The following NEGR1 variants were observed in gnomAD, a reference collection of about 807,000 sequenced individuals.
NEGR1 encodes the protein neuronal growth regulator 1.
Under a neutral mutation model 40.9 loss-of-function variants are expected in NEGR1, and 10 were observed. That is an observed-to-expected ratio of 0.24 (90% confidence interval 0.15 to 0.42). The LOEUF (loss-of-function observed/expected upper bound fraction) is 0.42. NEGR1 is among the 10% of genes least tolerant of loss of function. NEGR1 has a pLI of 1.00. For missense variants in NEGR1, 352 were observed against 438.9 expected, an observed-to-expected ratio of 0.80 and a Z score of 1.77; for synonymous variants, 185 against 166.8, an observed-to-expected ratio of 1.11 and a Z score of -0.84.
chr1:71,592,314 G>T (rs1649529336), intron 6 of NEGR1, among the ~76,000 whole-genome samples: 1 of 151,832 alleles, frequency 6.6e-6, no homozygotes, highest in Admixed American at 6.6e-5. Flanking sequence ...ATACAATTTT[G>T]AGTAAAAATA....
chr1:71,454,556 G>GT (rs1017988387), intron 6 of NEGR1, among the ~76,000 whole-genome samples: 5 of 73,288 alleles, frequency 6.8e-5, no homozygotes, highest in East Asian at 2.3e-4. Flanking sequence ...TTTCCTTGTG[G>GT]TTTTAAAAAA....
chr1:72,233,452 C>G (rs1557590559), intron 1 of NEGR1, among the ~76,000 whole-genome samples: 1 of 152,050 alleles, frequency 6.6e-6, no homozygotes, highest in Non-Finnish European at 1.5e-5. Context: ...TTCTCTCCCT[C>G]CATCCTTCTG....
At chr1:71,996,135 T>C (rs965319620) in intron 1 of NEGR1, among the ~76,000 whole-genome samples, 2 of 152,114 alleles carry the variant, frequency 1.3e-5, no homozygotes, top group African/African-American at 4.8e-5. Context: ...TTTGCACCAC[T>C]GGATGTATAA....
intron 1 of NEGR1, among the ~76,000 whole-genome samples, chr1:72,272,678 TTACA>T (rs1655884483): frequency 6.6e-6 from 1 of 151,902 alleles, no homozygotes; most frequent in Non-Finnish European, 1.5e-5. Context: ...TCTAAAACCT[TTACA>T]TATTTTATGG....
intron 3 of NEGR1, among the ~76,000 whole-genome samples, chr1:71,698,761 C>A (rs1570226648): frequency 6.6e-6 from 1 of 151,798 alleles, no homozygotes; most frequent in East Asian, 1.9e-4. Flanking sequence ...TTCATAAAAG[C>A]AAACTAAATT....
At chr1:71,552,103 T>C (rs565836109) in intron 6 of NEGR1, among the ~76,000 whole-genome samples, 64 of 151,588 alleles carry the variant, frequency 4.2e-4, no homozygotes, top group Middle Eastern at 6.8e-3. Context: ...TCTTGCTCAG[T>C]TAGTTTGGAG....
intron 6 of NEGR1, among the ~76,000 whole-genome samples, chr1:71,537,845 G>T (rs959462938): frequency 6.6e-6 from 1 of 151,710 alleles, no homozygotes; most frequent in African/African-American, 2.4e-5. Context: ...TGTAAGCAGT[G>T]AAATATTCTT....
At chr1:71,556,897 T>C (rs1281959914) in intron 6 of NEGR1, among the ~76,000 whole-genome samples, 2 of 151,522 alleles carry the variant, frequency 1.3e-5, no homozygotes, top group African/African-American at 4.8e-5. Flanking sequence ...GAACAACAGA[T>C]GTGTAAAATA....
intron 1 of NEGR1, among the ~76,000 whole-genome samples, chr1:71,979,549 T>A (rs1247057920): frequency 1.3e-5 from 2 of 152,142 alleles, no homozygotes; most frequent in Admixed American, 1.3e-4. Flanking sequence ...TGTGTTTACA[T>A]CTTCAATTCA....
intron 2 of NEGR1, among the ~76,000 whole-genome samples, chr1:71,850,267 C>T (rs566105645): frequency 6.6e-6 from 1 of 152,164 alleles, no homozygotes; most frequent in East Asian, 1.9e-4. Context: ...GCAATCCTCC[C>T]ATCTCAGCCT....
chr1:71,619,583 A>T (rs1650549289), intron 4 of NEGR1, among the ~76,000 whole-genome samples: 1 of 152,138 alleles, frequency 6.6e-6, no homozygotes, highest in Non-Finnish European at 1.5e-5. Context: ...GCAATTGCAC[A>T]GTGGAAATAA....
chr1:72,170,125 C>T (rs539868288), intron 1 of NEGR1, among the ~76,000 whole-genome samples: 27 of 152,152 alleles, frequency 1.8e-4, no homozygotes, highest in Admixed American at 1.6e-3. Context: ...AATCTTTCTC[C>T]TGTTTTAGAT....
intron 4 of NEGR1, among the ~76,000 whole-genome samples, chr1:71,612,393 T>C (rs1461545789): frequency 6.6e-6 from 1 of 152,140 alleles, no homozygotes; most frequent in Non-Finnish European, 1.5e-5. Context: ...CTTAAAAAGC[T>C]TTTTTTGTAG....
intron 1 of NEGR1, among the ~76,000 whole-genome samples, chr1:72,134,840 C>T (rs189687165): frequency 8.8e-4 from 133 of 151,348 alleles, no homozygotes; most frequent in Non-Finnish European, 1.5e-3. Flanking sequence ...TGGGTTCAAG[C>T]GATTCTCCTG....
At chr1:71,479,809 A>T (rs1646843233) in intron 6 of NEGR1, among the ~76,000 whole-genome samples, 1 of 151,938 alleles carries the variant, frequency 6.6e-6, no homozygotes, top group Non-Finnish European at 1.5e-5. Flanking sequence ...GCCAATATGC[A>T]ATTAATATTG....
intron 1 of NEGR1, among the ~76,000 whole-genome samples, chr1:72,075,379 A>G (rs1647681669): frequency 6.6e-6 from 1 of 152,154 alleles, no homozygotes; most frequent in South Asian, 2.1e-4. Flanking sequence ...TCTAAATTCT[A>G]ATTTACTAAA....
chr1:72,036,720 A>G (rs1319070932), intron 1 of NEGR1, among the ~76,000 whole-genome samples: 3 of 151,864 alleles, frequency 2.0e-5, no homozygotes, highest in African/African-American at 7.2e-5. Context: ...TATTCATTTG[A>G]AAAACATCTA....
chr1:71,971,420 C>T (rs1341924643), intron 1 of NEGR1, among the ~76,000 whole-genome samples: 1 of 152,054 alleles, frequency 6.6e-6, no homozygotes, highest in African/African-American at 2.4e-5. Context: ...TGCCTCATTG[C>T]TTCTTTGTAA....
chr1:71,487,073 G>T (rs1043395335), intron 6 of NEGR1: 1 of 151,402 alleles, frequency 6.6e-6, no homozygotes. Context: ...ATACATAGAA[G>T]ATTTTTTGCA....
Sources: gnomAD v4.1 joint callset for allele counts (sites outside exome capture counted in the v4.1 genomes callset) on GRCh38, gnomAD v4.1.1 for gene constraint, MANE v1.5 for transcripts, NCBI Gene and HGNC (gene_info 2026-07-23, HGNC 2026-07-21) for gene names.